The following MAP7 variants were observed in gnomAD, a reference collection of about 807,000 sequenced individuals.
The protein encoded by MAP7 is ensconsin.
A neutral mutation model predicts 94.8 loss-of-function variants in MAP7; 52 were observed. That is an observed-to-expected ratio of 0.55 (90% CI 0.44 to 0.69). MAP7 has a LOEUF of 0.69. Among genes scored for constraint, MAP7 ranks in the 30% least tolerant of loss-of-function variants. MAP7 has a pLI of 0.00. For synonymous variants in MAP7, 350 were observed against 357.0 expected, an observed-to-expected ratio of 0.98 and a Z score of 0.22; for missense variants, 940 against 964.6, an observed-to-expected ratio of 0.97 and a Z score of 0.34.
chr6:136,488,277 T>TA (rs899979824), intron 1 of MAP7, among the ~76,000 whole-genome samples: 5 of 152,168 alleles, frequency 3.3e-5, no homozygotes, highest in African/African-American at 1.2e-4. Context: ...GTATCAACTG[T>TA]AGGAGAAGAA....
intron 1 of MAP7, among the ~76,000 whole-genome samples, chr6:136,513,082 T>C (rs1369855519): frequency 6.6e-6 from 1 of 152,170 alleles, no homozygotes; most frequent in African/African-American, 2.4e-5. Flanking sequence ...TGGGTTCAAA[T>C]GATCCTCCTG....
intron 3 of MAP7, among the ~76,000 whole-genome samples, chr6:136,389,874 A>C (rs1158127875): frequency 6.6e-6 from 1 of 152,184 alleles, no homozygotes; most frequent in Non-Finnish European, 1.5e-5. Context: ...ATTATAAAAC[A>C]ATGTGATATC....
intron 1 of MAP7, among the ~76,000 whole-genome samples, chr6:136,426,513 T>C (rs1249212386): frequency 6.6e-6 from 1 of 152,048 alleles, no homozygotes; most frequent in Non-Finnish European, 1.5e-5. Flanking sequence ...ACCAAATAAA[T>C]GATATAGATA....
chr6:136,493,535 C>A (rs529311606), intron 1 of MAP7, among the ~76,000 whole-genome samples: 1 of 152,216 alleles, frequency 6.6e-6, no homozygotes, highest in East Asian at 1.9e-4. Context: ...CTGTCTCAGA[C>A]ACTGGATCAG....
chr6:136,473,435 A>G (rs545373936), intron 1 of MAP7, among the ~76,000 whole-genome samples: 1 of 152,300 alleles, frequency 6.6e-6, no homozygotes, highest in African/African-American at 2.4e-5. Flanking sequence ...ATATTTTAGT[A>G]TCTGTTCTTG....
intron 1 of MAP7, among the ~76,000 whole-genome samples, chr6:136,455,567 T>C (rs115816666): frequency 3.7e-4 from 57 of 152,306 alleles, no homozygotes; most frequent in African/African-American, 1.3e-3. Context: ...CAAGTCTTAA[T>C]GAATTTAAGA....
chr6:136,437,517 T>C (rs1458365487), intron 1 of MAP7, among the ~76,000 whole-genome samples: 1 of 152,188 alleles, frequency 6.6e-6, no homozygotes, highest in African/African-American at 2.4e-5. Context: ...ACAGGCACCA[T>C]CTATGCTGGG....
intron 3 of MAP7, among the ~76,000 whole-genome samples, chr6:136,406,817 T>TAAAACAAAAACAAAAACAAAC: frequency 6.6e-6 from 1 of 152,066 alleles, no homozygotes; most frequent in African/African-American, 2.4e-5. Context: ...CAAGACTGTA[T>TAAAACAAAAACAAAAACAAAC]AAAACAAAAA....
rs575913763 is a variant in MAP7, at chr6:136,471,604, A to G, written c.68-49805T>C. On this transcript the variant is annotated intron_variant, in intron 1 of 17. Transcript: ENST00000354570. ...AGTACCTTGGACAGTGACAAAAGCTACCCATGCTGTTTATTTAGGAGACAC... is the reference window on the plus strand; with the variant it reads ...AGTACCTTGGACAGTGACAAAAGCTGCCCATGCTGTTTATTTAGGAGACAC... 4.6e-5 allele frequency among the ~76,000 whole-genome samples: 7 copies of G among 152,152 alleles called. No individual in the cohort carries two copies. The East Asian group carries it at 1.2e-3, about 25-fold the overall frequency.
At chr6:136,411,576 G>A in intron 3 of MAP7, 44 bp downstream of exon 3, 5 of 1,492,878 alleles carry the variant, frequency 3.3e-6, no homozygotes, top group Non-Finnish European at 3.6e-6. Flanking sequence ...GTATTATAGT[G>A]ACATCCATTC....
chr6:136,493,287 T>C (rs1817234599), intron 1 of MAP7, among the ~76,000 whole-genome samples: 1 of 152,078 alleles, frequency 6.6e-6, no homozygotes, highest in Non-Finnish European at 1.5e-5. Flanking sequence ...CACGTCTGGC[T>C]AATTTTTGTA....
chr6:136,432,340 T>A (rs947554323), intron 1 of MAP7, among the ~76,000 whole-genome samples: 1 of 152,182 alleles, frequency 6.6e-6, no homozygotes, highest in African/African-American at 2.4e-5. Flanking sequence ...GCCTAATCTG[T>A]TCCAAAAGTC....
At chr6:136,366,806 A>T (rs1480393026) in intron 8 of MAP7, among the ~76,000 whole-genome samples, 1 of 150,452 alleles carries the variant, frequency 6.6e-6, no homozygotes, top group African/African-American at 2.4e-5. Context: ...TTCATTTTTT[A>T]AAAAATTTTA....
At chr6:136,381,991 G>A (rs1777926605) in intron 6 of MAP7, among the ~76,000 whole-genome samples, 1 of 151,764 alleles carries the variant, frequency 6.6e-6, no homozygotes, top group Admixed American at 6.6e-5. Flanking sequence ...TGAGAACTGA[G>A]GATGCAGTGT....
intron 3 of MAP7, among the ~76,000 whole-genome samples, chr6:136,394,716 C>T (rs1236903079): frequency 6.6e-6 from 1 of 150,776 alleles, no homozygotes; most frequent in East Asian, 1.9e-4. Flanking sequence ...CCTCTTTAAC[C>T]TCCCCCCCAC....
chr6:136,421,830 C>T (rs1267261061), intron 1 of MAP7, 31 bp from the exon 2 acceptor site: 2 of 1,525,002 alleles, frequency 1.3e-6, no homozygotes, highest in East Asian at 2.3e-5. Context: ...AGAAAAGACA[C>T]ATTTAGTTTC....
At chr6:136,393,952 T>C (rs1052104496) in intron 3 of MAP7, among the ~76,000 whole-genome samples, 1 of 150,790 alleles carries the variant, frequency 6.6e-6, no homozygotes, top group East Asian at 1.9e-4. Flanking sequence ...GCATTTCTTA[T>C]GTTCTGATAT....
At chr6:136,518,183 T>C (rs2129043196) in intron 1 of MAP7, among the ~76,000 whole-genome samples, 1 of 152,322 alleles carries the variant, frequency 6.6e-6, no homozygotes, top group East Asian at 1.9e-4. Context: ...TTATTAGGCC[T>C]GCAACTTTAA....
intron 1 of MAP7, chr6:136,525,920 C>A: frequency 6.5e-7 from 1 of 1,534,382 alleles, no homozygotes; most frequent in African/African-American, 1.4e-5. Flanking sequence ...TTGCATTGGT[C>A]TTCTTCAGTC....
Sources: gnomAD v4.1 joint callset for allele counts (sites outside exome capture counted in the v4.1 genomes callset) on GRCh38, gnomAD v4.1.1 for gene constraint, MANE v1.5 for transcripts, NCBI Gene and HGNC (gene_info 2026-07-23, HGNC 2026-07-21) for gene names.